Variants in IL33 observed in about 807,000 individuals in gnomAD.
The protein encoded by IL33 is interleukin-33.
A neutral mutation model predicts 27.3 loss-of-function variants in IL33; 37 were observed. The ratio of observed to expected loss-of-function variants is 1.36; its 90% CI spans 1.04 to 1.78. The LOEUF (loss-of-function observed/expected upper bound fraction) is 1.78, where lower values mean the gene tolerates loss of function less well. Ranked by LOEUF, IL33 falls within the 40% of genes most tolerant of loss-of-function variation. The pLI, the probability that IL33 is intolerant of heterozygous loss-of-function variation, is 0.00. For missense variants in IL33, 406 were observed against 311.4 expected (o/e 1.30, Z -2.29); for synonymous variants, 132 against 102.9 (o/e 1.28, Z -1.71).
intron 1 of IL33, among the ~76,000 whole-genome samples, chr9:6,223,536 C>T (rs1172187454): frequency 6.6e-6 from 1 of 150,746 alleles, no homozygotes; most frequent in Non-Finnish European, 1.5e-5. Context: ...ATTTACATAT[C>T]CATGTTATAC....
chr9:6,216,683 G>C (rs969217991), intron 1 of IL33, among the ~76,000 whole-genome samples: 3 of 152,194 alleles, frequency 2.0e-5, no homozygotes, highest in African/African-American at 7.2e-5. Flanking sequence ...AGGAGGTGGA[G>C]GTTGCAGTGA....
chr9:6,218,937 TATATATG>T, intron 1 of IL33, among the ~76,000 whole-genome samples: 2 of 121,194 alleles, frequency 1.7e-5, no homozygotes, highest in South Asian at 2.5e-4. Flanking sequence ...TATATATATA[TATATATG>T]TCTACATCAG....
intron 2 of IL33, among the ~76,000 whole-genome samples, chr9:6,248,416 T>C (rs989289017): frequency 1.3e-5 from 2 of 151,936 alleles, no homozygotes; most frequent in African/African-American, 4.8e-5. Flanking sequence ...GGGAGTGGTT[T>C]GGTTATCAAG....
intron 2 of IL33, among the ~76,000 whole-genome samples, chr9:6,248,779 G>T (rs142278508): frequency 1.3e-5 from 2 of 151,456 alleles, no homozygotes; most frequent in African/African-American, 4.9e-5. Flanking sequence ...CGGTCTTACT[G>T]TGTTGCCCAG....
rs566226269 is a variant in IL33, at chr9:6,237,401, G to A, written c.-11-4283G>A. On this transcript the variant is annotated intron_variant, in intron 1 of 7. Coordinates refer to ENST00000682010, the MANE Select transcript of IL33 (RefSeq NM_033439.4). ...CCTGACTATGCTTTTGACTTATCAT[G>A]TGGTTCTATAAAGGGTGTTGACTTT... 7.2e-5 allele frequency among the ~76,000 whole-genome samples: 11 copies of A among 152,310 alleles called. No homozygotes were observed. In the South Asian group the frequency reaches 1.9e-3, roughly 26 times the overall value.
At chr9:6,253,253 C>T (rs1374350118) in intron 5 of IL33, among the ~76,000 whole-genome samples, 1 of 152,150 alleles carries the variant, frequency 6.6e-6, no homozygotes, top group Middle Eastern at 3.2e-3. Flanking sequence ...AGAGGGGCCA[C>T]ATGTATTTGC....
At chr9:6,253,739 A>T in intron 6 of IL33, 137 bp downstream of exon 6, 1 of 603,140 alleles carries the variant, frequency 1.7e-6, no homozygotes, top group South Asian at 2.5e-5. Context: ...TCATGGTAAA[A>T]CCTTAGATTC....
intron 1 of IL33, among the ~76,000 whole-genome samples, chr9:6,227,738 T>A (rs1253076845): frequency 6.6e-6 from 1 of 152,214 alleles, no homozygotes; most frequent in African/African-American, 2.4e-5. Flanking sequence ...CCTCAGTCTA[T>A]CACCCTCCTT....
At chr9:6,251,417 G>T (rs1439679423) in intron 4 of IL33, 152 bp downstream of exon 4, 2 of 1,077,050 alleles carry the variant, frequency 1.9e-6, no homozygotes, top group East Asian at 2.5e-5. Context: ...CCATCTAATA[G>T]TATCCAAAGT....
chr9:6,238,264 G>A (rs2130281737), intron 1 of IL33, among the ~76,000 whole-genome samples: 1 of 152,234 alleles, frequency 6.6e-6, no homozygotes, highest in African/African-American at 2.4e-5. Flanking sequence ...GTAAAGTTAG[G>A]GGCTCAGTAA....
At chr9:6,226,612 T>G (rs1025713128) in intron 1 of IL33, among the ~76,000 whole-genome samples, 2 of 152,238 alleles carry the variant, frequency 1.3e-5, no homozygotes, top group Non-Finnish European at 2.9e-5. Context: ...ATCTTCTGTT[T>G]AATTGAACCA....
intron 2 of IL33, among the ~76,000 whole-genome samples, chr9:6,243,058 G>A (rs1221145237): frequency 1.3e-5 from 2 of 152,188 alleles, no homozygotes; most frequent in African/African-American, 4.8e-5. Context: ...ATGGCACCAA[G>A]CTGTTCATGA....
chr9:6,257,367 T>C lies in IL33; in HGVS notation c.*1199T>C, dbSNP rs12000491. On this transcript the variant is annotated 3_prime_UTR_variant, in exon 8 of 8. Coordinates refer to ENST00000682010, the MANE Select transcript of IL33 (RefSeq NM_033439.4). ...ATGCCCTTGATATATCTTTTGCACC[T>C]GCTGAACTTCATTTCTGTATCACCT... 0.078 allele frequency: 11,841 copies of C among 152,612 alleles called. 980 individuals carry two copies. Among genetic ancestry groups the C allele is most frequent in the African/African-American group, 0.21 (8,551 of 41,498 alleles). The allele number at this position is 152,612 out of a possible 1,614,324, so 9.5% of individuals were successfully genotyped here.
intron 5 of IL33, 49 bp downstream of exon 5, chr9:6,253,040 T>A: frequency 1.7e-6 from 2 of 1,186,716 alleles, no homozygotes; most frequent in Admixed American, 2.5e-5. Context: ...CTAATAAAAG[T>A]AAAACATTTT....
intron 1 of IL33, among the ~76,000 whole-genome samples, chr9:6,224,686 G>A (rs1818554108): frequency 6.6e-6 from 1 of 152,140 alleles, no homozygotes; most frequent in Non-Finnish European, 1.5e-5. Context: ...TATTTGTGGT[G>A]AATTATGAAT....
intron 1 of IL33, among the ~76,000 whole-genome samples, chr9:6,216,569 T>C (rs1818152302): frequency 6.6e-6 from 1 of 152,072 alleles, no homozygotes; most frequent in Admixed American, 6.6e-5. Context: ...ACCCTGTCTC[T>C]ACTAAAAATA....
At chr9:6,233,394 GCCT>G (rs1819024353) in intron 1 of IL33, among the ~76,000 whole-genome samples, 1 of 152,048 alleles carries the variant, frequency 6.6e-6, no homozygotes, top group Non-Finnish European at 1.5e-5. Context: ...GAAGAAGTGT[GCCT>G]CCTCCTTTTC....
intron 2 of IL33, among the ~76,000 whole-genome samples, chr9:6,246,574 TA>T (rs775676165): frequency 2.7e-5 from 4 of 150,246 alleles, no homozygotes; most frequent in South Asian, 2.1e-4. Context: ...AAAATAAAAA[TA>T]AAAAAAAAGA....
intron 2 of IL33, among the ~76,000 whole-genome samples, chr9:6,246,940 T>G (rs1177878304): frequency 6.6e-6 from 1 of 152,196 alleles, no homozygotes; most frequent in Non-Finnish European, 1.5e-5. Context: ...TAGTTTAAGG[T>G]AGCTGCAGGT....
Sources: allele counts gnomAD v4.1 joint callset (sites outside exome capture counted in the v4.1 genomes callset), GRCh38; gene constraint gnomAD v4.1.1; transcripts MANE v1.5; gene names NCBI Gene and HGNC (gene_info 2026-07-23, HGNC 2026-07-21).